Variants in SLIT1 observed in about 807,000 individuals in gnomAD.
SLIT1 encodes slit homolog 1 protein.
A neutral mutation model predicts 186.1 loss-of-function variants in SLIT1; 66 were observed. The ratio of observed to expected loss-of-function variants is 0.35; its 90% confidence interval spans 0.29 to 0.44. SLIT1 has a LOEUF of 0.44. SLIT1 is among the 20% of genes least tolerant of loss of function. The pLI, the probability that SLIT1 is intolerant of heterozygous loss-of-function variation, is 1.00. For synonymous variants in SLIT1, 761 were observed against 833.8 expected (o/e 0.91, Z 1.50); for missense variants, 1,638 against 2,037.4 (o/e 0.80, Z 3.77).
intron 4 of SLIT1, among the ~76,000 whole-genome samples, chr10:97,137,810 T>C (rs75980836): frequency 0.071 from 10,740 of 152,264 alleles, 418 homozygotes; most frequent in African/African-American, 0.11. Context: ...GGTTGCTTAA[T>C]GTTTCTTGAT....
chr10:97,095,277 C>T (rs1849275810), intron 4 of SLIT1, among the ~76,000 whole-genome samples: 1 of 152,148 alleles, frequency 6.6e-6, no homozygotes, highest in East Asian at 1.9e-4. Context: ...AGCAAAACTC[C>T]TTCTCAAAAA....
chr10:97,035,305 CCT>C (rs1848629476), intron 22 of SLIT1, among the ~76,000 whole-genome samples: 1 of 152,134 alleles, frequency 6.6e-6, no homozygotes, highest in Admixed American at 6.5e-5. Flanking sequence ...CGGGGACGCC[CCT>C]GTGCTGACAG....
In SLIT1 at chr10:97,138,380, C is replaced by T. The variant is rs111693249; in HGVS notation, c.413+19438G>A. Among the ~76,000 whole-genome samples, 475 of 152,346 alleles carry T rather than the reference C, an allele frequency of 3.1e-3. 3 individuals are homozygous for T. The highest frequency in any genetic ancestry group is 0.01 in the African/African-American group (425 of 41,582). On this transcript the variant is annotated intron_variant, in intron 4 of 36. Transcript: ENST00000266058. ...ATTCACCTCCACTATCAACAGATGG[C>T]GCTTATCAGCGAGGGATGCACTCTT... is the stretch of plus-strand genomic sequence containing the variant.
intron 4 of SLIT1, among the ~76,000 whole-genome samples, chr10:97,150,251 C>T (rs1216348943): frequency 6.6e-6 from 1 of 152,156 alleles, no homozygotes; most frequent in Non-Finnish European, 1.5e-5. Flanking sequence ...GTCACAATAG[C>T]GAGGTCACCT....
intron 16 of SLIT1, 146 bp downstream of exon 16, chr10:97,047,544 C>T (rs1403638822): frequency 7.5e-6 from 6 of 802,566 alleles, no homozygotes; most frequent in Non-Finnish European, 1.0e-5. Context: ...TTCTTCCTGC[C>T]CAAGCCAGCA....
intron 1 of SLIT1, among the ~76,000 whole-genome samples, chr10:97,165,683 G>A (rs1425163048): frequency 1.3e-5 from 2 of 152,132 alleles, no homozygotes; most frequent in Admixed American, 6.5e-5. Flanking sequence ...GAGGGCCAGC[G>A]GAGGCTCTGG....
chr10:97,150,776 G>A (rs916028583), intron 4 of SLIT1, among the ~76,000 whole-genome samples: 18 of 152,152 alleles, frequency 1.2e-4, no homozygotes, highest in Admixed American at 9.8e-4. Flanking sequence ...CCAAGGAGGC[G>A]GCATGCGTGG....
chr10:97,149,322 A>G (rs373090765), intron 4 of SLIT1, among the ~76,000 whole-genome samples: 23 of 152,324 alleles, frequency 1.5e-4, no homozygotes, highest in African/African-American at 5.3e-4. Context: ...CGCAGATTTA[A>G]TGATTGGAAA....
chr10:97,016,762 A>C (rs1245032425), intron 28 of SLIT1, among the ~76,000 whole-genome samples: 1 of 152,250 alleles, frequency 6.6e-6, no homozygotes, highest in East Asian at 1.9e-4. Flanking sequence ...TGAAAATTTT[A>C]GCTGTCAATC....
At chr10:97,020,365 A>T (rs1164856883) in intron 26 of SLIT1, among the ~76,000 whole-genome samples, 1 of 152,156 alleles carries the variant, frequency 6.6e-6, no homozygotes, top group African/African-American at 2.4e-5. Context: ...TGTGTACTTT[A>T]ATGTGTGTGT....
chr10:97,036,817 G>T (rs887705350), intron 22 of SLIT1, among the ~76,000 whole-genome samples: 2 of 152,156 alleles, frequency 1.3e-5, no homozygotes, highest in Admixed American at 6.5e-5. Flanking sequence ...AAAAGGAGCT[G>T]AACTTATTAT....
At chr10:97,001,711 T>C (rs1172422120) in intron 36 of SLIT1, among the ~76,000 whole-genome samples, 1 of 152,050 alleles carries the variant, frequency 6.6e-6, no homozygotes, top group Non-Finnish European at 1.5e-5. Context: ...TTAAGGTGCC[T>C]GAGTTCTGGG....
chr10:97,063,502 C>T lies in SLIT1; in HGVS notation c.746G>A (p.Arg249His), dbSNP rs201085723. The T allele has an allele frequency of 1.7e-5, 28 of 1,613,130 alleles. No individual in the cohort carries two copies. Among genetic ancestry groups the T allele is most frequent in the Middle Eastern group, 1.9e-4 (1 of 5,320 alleles). ...FTQCSGPASLRGLNVAEVQKS... is the reference protein window; with the variant it reads ...FTQCSGPASLHGLNVAEVQKS... ...CTGGACCTCTGCCACATTGAGGCCA[C>T]GCAGGCTGGCTGGGCCCGAGCACTG... Residue 249 changes from arginine to histidine, a missense_variant, in exon 8 of 37, where the codon CGT becomes CAT. Physicochemically the swap from Arg to His is conservative, Grantham distance 29. This residue lies in a region of SLIT1 where 1,245 missense variants were observed against 1,535.3 expected (regional missense o/e 0.81). Transcript: ENST00000266058.
rs999077511 is a variant in SLIT1, at chr10:97,000,838, T to A, written c.*274A>T. 2.9e-5 allele frequency: 14 copies of A among 483,512 alleles called. No individual in the cohort carries two copies. In the Middle Eastern group the frequency reaches 3.4e-3, roughly 116 times the overall value. The allele number at this position is 483,512 out of a possible 1,614,324, so 30.0% of individuals were successfully genotyped here. ...TTCTTGGCCTGACCTCACGCACACA[T>A]TCACTCAACAAATATTTATTAAGCG... On this transcript the variant is annotated 3_prime_UTR_variant, in exon 37 of 37. Coordinates refer to ENST00000266058, the MANE Select transcript of SLIT1 (RefSeq NM_003061.3).
At chr10:97,134,366 ACACCTGAAGGC>A (rs1321376352) in intron 4 of SLIT1, among the ~76,000 whole-genome samples, 4 of 152,100 alleles carry the variant, frequency 2.6e-5, no homozygotes, top group African/African-American at 9.7e-5. Context: ...CTCCCGGGTG[ACACCTGAAGGC>A]CGCGGTTTCC....
At chr10:97,053,560 G>C (rs189809943) in intron 13 of SLIT1, among the ~76,000 whole-genome samples, 2 of 152,154 alleles carry the variant, frequency 1.3e-5, no homozygotes, top group African/African-American at 4.8e-5. Flanking sequence ...GTTATCTGAT[G>C]AAGAGCACTG....
rs540383503 is a variant in SLIT1 at position 97,026,855 on chromosome 10, G to A, written c.2582+3902C>T. 8.8e-4 allele frequency among the ~76,000 whole-genome samples: 133 copies of A among 151,910 alleles called. 1 individual carries two copies. The highest frequency in any genetic ancestry group is 3.1e-3 in the African/African-American group (129 of 41,536). ...TCATTACAGCATGTGTGAACCATGT[G>A]AGACCTTAGAAATCATCTTCGTGTA... On this transcript the variant is annotated intron_variant, in intron 25 of 36. Coordinates refer to ENST00000266058, the MANE Select transcript of SLIT1 (RefSeq NM_003061.3).
Position 97,184,199 on chromosome 10 carries a change from T to C in SLIT1, c.197+1279A>G, listed in dbSNP as rs1850380645. ...TACAGAGTCTGATTCGGGAGACAGC[T>C]CTCCTCAGGGTCAGATTTCTGTCTC... On this transcript the variant is annotated intron_variant, in intron 1 of 36. Coordinates refer to ENST00000266058, the MANE Select transcript of SLIT1 (RefSeq NM_003061.3). This position sits in a 1 kb window ranked among gnomAD's most constrained non-coding sequence, Gnocchi z 4.4. Among the ~76,000 whole-genome samples the C allele has an allele frequency of 6.6e-6, 1 of 152,000 alleles. No individual in the cohort carries two copies. The highest frequency in any genetic ancestry group is 2.4e-5 in the African/African-American group (1 of 41,384).
At position 97,098,776 on chromosome 10, in the gene SLIT1, A is replaced by G. The variant is rs192105573; in HGVS notation, c.414-32690T>C. Among the ~76,000 whole-genome samples the G allele has an allele frequency of 1.0e-3, 159 of 152,322 alleles. 1 individual carries two copies. The highest frequency in any genetic ancestry group is 3.6e-3 in the African/African-American group (150 of 41,576). On this transcript the variant is annotated intron_variant, in intron 4 of 36. Coordinates refer to ENST00000266058, the MANE Select transcript of SLIT1 (RefSeq NM_003061.3). ...GAGGAGAGTCCCTCACGAGGCCACAATAGTCCTTAAAGCACCAGTGATGGG... is the reference window on the plus strand; with the variant it reads ...GAGGAGAGTCCCTCACGAGGCCACAGTAGTCCTTAAAGCACCAGTGATGGG...
Sources: gnomAD v4.1 joint callset for allele counts (sites outside exome capture counted in the v4.1 genomes callset) on GRCh38, gnomAD v4.1.1 for gene constraint, gnomAD v4.1.1 regional missense constraint, Gnocchi (gnomAD v3.1) non-coding constraint, MANE v1.5 for transcripts, NCBI Gene and HGNC (gene_info 2026-07-23, HGNC 2026-07-21) for gene names.